Variants in STMN1 observed in about 807,000 individuals in gnomAD.
STMN1 encodes the protein stathmin.
In STMN1, 3 loss-of-function variants were observed where a neutral mutation model predicts 19.7. The ratio of observed to expected loss-of-function variants is 0.15; its 90% CI spans 0.07 to 0.39. STMN1 has a LOEUF of 0.39. STMN1 is among the 10% of genes least tolerant of loss of function. STMN1 has a pLI of 1.00. For missense variants in STMN1, 99 were observed against 176.0 expected (o/e 0.56, Z 2.48); for synonymous variants, 59 against 58.9 (o/e 1.00, Z -0.01).
chr1:25,889,188 C>T (rs1244221637), intron 4 of STMN1: 2 of 304,890 alleles, frequency 6.6e-6, no homozygotes, highest in East Asian at 1.7e-4. Context: ...CTGAAAATGT[C>T]ACCGTTATCT....
chr1:25,885,776 G>C (rs1344671216), exon 5 of STMN1: 1 of 1,551,748 alleles, frequency 6.4e-7, no homozygotes, highest in Admixed American at 2.0e-5. Context: ...TGGAGGCCCA[G>C]GGCTGGGCAA....
chr1:25,904,193 G>A (rs1053916049), intron 2 of STMN1, among the ~76,000 whole-genome samples: 3 of 151,906 alleles, frequency 2.0e-5, no homozygotes, highest in Non-Finnish European at 1.5e-5. Flanking sequence ...GGCCCATGTC[G>A]ATAGTCCCAG....
intron 4 of STMN1, chr1:25,892,380 CT>C (rs35541438): frequency 0.16 from 27,562 of 173,490 alleles, 2,860 homozygotes; most frequent in African/African-American, 0.42. Context: ...CAGAGCAAGA[CT>C]TTTTTTTTTT....
intron 4 of STMN1, among the ~76,000 whole-genome samples, chr1:25,894,804 T>C (rs1451616084): frequency 6.6e-6 from 1 of 152,222 alleles, no homozygotes; most frequent in Non-Finnish European, 1.5e-5. Flanking sequence ...ACTCCTGGCC[T>C]CAAGTGATCC....
chr1:25,903,369 T>C (rs2048897092), intron 3 of STMN1: 2 of 353,308 alleles, frequency 5.7e-6, no homozygotes, highest in African/African-American at 4.3e-5. Context: ...TTACTAGTTG[T>C]ATGACTGCAG....
At chr1:25,902,546 A>G (rs1274149475) in intron 3 of STMN1, 10 of 152,252 alleles carry the variant, frequency 6.6e-5, no homozygotes, top group Admixed American at 1.3e-4. Context: ...CTTGTTCTCA[A>G]AACACATTGG....
rs1297456896 is a variant in STMN1 at position 25,906,231 on chromosome 1, A to G, written c.-63+158T>C. ...GCGAGGCTCCGCCCGAGCCACACAC[A>G]AAGCGGAGCGACCCCCGCCCACCAA... On this transcript the variant is annotated intron_variant, in intron 1 of 4. Coordinates refer to ENST00000455785, the MANE Select transcript of STMN1 (RefSeq NM_005563.4). This position sits in a 1 kb window ranked among gnomAD's most constrained non-coding sequence, Gnocchi z 4.5. 6.6e-6 allele frequency: 1 copy of G among 151,776 alleles called. No homozygotes were observed. Among genetic ancestry groups the G allele is most frequent in the East Asian group, 2.0e-4 (1 of 5,104 alleles). The allele number at this position is 151,776 out of a possible 1,614,324, so 9.4% of individuals were successfully genotyped here. A position where few individuals can be genotyped will look rare whatever the true frequency, so the allele number is the denominator to read the frequency against.
downstream of STMN1, chr1:25,899,956 GAAAGCTGCC>G: frequency 2.5e-6 from 1 of 402,092 alleles, no homozygotes; most frequent in Non-Finnish European, 3.4e-6. Flanking sequence ...AATAGCACAG[GAAAGCTGCC>G]AAAGGCGTTC....
chr1:25,901,311 G>A, intron 4 of STMN1, 180 bp downstream of exon 4: 6 of 1,113,020 alleles, frequency 5.4e-6, no homozygotes, highest in Non-Finnish European at 7.5e-6. Flanking sequence ...CAAGGACTGT[G>A]CAATTATGCT....
intron 4 of STMN1, among the ~76,000 whole-genome samples, chr1:25,889,724 C>T (rs2048755896): frequency 6.6e-6 from 1 of 152,296 alleles, no homozygotes; most frequent in South Asian, 2.1e-4. Flanking sequence ...ACATCACTCC[C>T]CCCTTAAAGC....
intron 4 of STMN1, among the ~76,000 whole-genome samples, chr1:25,892,163 G>A (rs1451997329): frequency 6.6e-6 from 1 of 152,228 alleles, no homozygotes; most frequent in African/African-American, 2.4e-5. Context: ...GCCGAGGTGG[G>A]CGAATCACCT....
At chr1:25,891,606 G>GT (rs2048776188) in intron 4 of STMN1, among the ~76,000 whole-genome samples, 1 of 152,082 alleles carries the variant, frequency 6.6e-6, no homozygotes, top group Admixed American at 6.6e-5. Context: ...AGTTCTTCTG[G>GT]TCCAACCCCT....
downstream of STMN1, chr1:25,884,376 T>C (rs1265052358): frequency 6.6e-6 from 1 of 151,838 alleles, no homozygotes; most frequent in Non-Finnish European, 1.5e-5. Flanking sequence ...CAGGGCTCTT[T>C]TAGAACAGTC....
intron 4 of STMN1, among the ~76,000 whole-genome samples, chr1:25,887,915 G>A (rs2048738327): frequency 6.6e-6 from 1 of 152,196 alleles, no homozygotes; most frequent in Admixed American, 6.5e-5. Flanking sequence ...TCGATCTCTT[G>A]ACTTCGTGAT....
chr1:25,904,904 T>C (rs2048920102), intron 1 of STMN1, 166 bp from the exon 2 acceptor site: 2 of 458,494 alleles, frequency 4.4e-6, no homozygotes, highest in East Asian at 3.5e-5. Context: ...TAAATAAACA[T>C]TGGGAAATAT....
intron 4 of STMN1, chr1:25,889,106 A>G (rs2048750072): frequency 2.1e-6 from 1 of 474,052 alleles, no homozygotes; most frequent in Non-Finnish European, 4.1e-6. Flanking sequence ...AGCTGGGTCT[A>G]TAAGGAATTC....
At chr1:25,890,092 A>C (rs1484052852) in intron 4 of STMN1, among the ~76,000 whole-genome samples, 4 of 152,010 alleles carry the variant, frequency 2.6e-5, no homozygotes, top group African/African-American at 9.7e-5. Flanking sequence ...AGGACCTAAC[A>C]CTGCCTGGTA....
At chr1:25,885,478 T>A in exon 5 of STMN1, 1 of 378,108 alleles carries the variant, frequency 2.6e-6, no homozygotes, top group Non-Finnish European at 4.7e-6. Flanking sequence ...TGCTGGGCCC[T>A]CTACGTTGGC....
chr1:25,901,435 A>G, intron 4 of STMN1, 56 bp downstream of exon 4: 1 of 1,542,570 alleles, frequency 6.5e-7, no homozygotes, highest in Non-Finnish European at 8.7e-7. Flanking sequence ...AGTTCAAGCC[A>G]ACTCATTGGT....
Sources: allele counts gnomAD v4.1 joint callset (sites outside exome capture counted in the v4.1 genomes callset), GRCh38; gene constraint gnomAD v4.1.1; non-coding constraint Gnocchi (gnomAD v3.1); transcripts MANE v1.5; gene names NCBI Gene and HGNC (gene_info 2026-07-23, HGNC 2026-07-21).